Variants in ACCSL observed in about 807,000 individuals in gnomAD.
ACCSL encodes probable inactive 1-aminocyclopropane-1-carboxylate synthase-like protein 2.
ACCSL carries 55 observed loss-of-function variants against 61.7 expected under a neutral mutation model. The observed-to-expected ratio is 0.89, with a 90% CI of 0.72 to 1.12. The LOEUF is 1.12. Among genes scored for constraint, ACCSL ranks in the 50% most tolerant of loss-of-function variants. The probability of loss-of-function intolerance (pLI) is 0.00; values close to 1 mark genes in which losing one functional copy is unlikely to be tolerated. For missense variants in ACCSL, 632 were observed against 698.0 expected (o/e 0.91, Z 1.07); for synonymous variants, 258 against 264.3 (o/e 0.98, Z 0.23).
At chr11:43,923,694 A>G in the ACCSL span, among the ~76,000 whole-genome samples, 1 of 152,228 alleles carries the variant, frequency 6.6e-6, no homozygotes, top group Non-Finnish European at 1.5e-5. Flanking sequence ...CTCCATTTAT[A>G]AAAGCCTTCC....
chr11:43,943,302 C>A, the ACCSL span: 42 of 1,450,702 alleles, frequency 2.9e-5, no homozygotes, highest in Non-Finnish European at 3.6e-5. This position sits in a 1 kb window ranked among gnomAD's most constrained non-coding sequence, Gnocchi z 4.8. Flanking sequence ...GGGACGCGCG[C>A]GTCCGCGGTC....
At chr11:43,963,513 A>G in the ACCSL span, among the ~76,000 whole-genome samples, 11 of 152,340 alleles carry the variant, frequency 7.2e-5, no homozygotes, top group African/African-American at 2.6e-4. Context: ...AGATGATAAC[A>G]TGGCCCCAGA....
chr11:44,028,986 C>A, the ACCSL span, among the ~76,000 whole-genome samples: 1 of 152,214 alleles, frequency 6.6e-6, no homozygotes, highest in Non-Finnish European at 1.5e-5. Context: ...GACCTCCACC[C>A]AGAATCCAAC....
the ACCSL span, among the ~76,000 whole-genome samples, chr11:43,997,166 A>G: frequency 0.14 from 20,639 of 151,704 alleles, 1,908 homozygotes; most frequent in East Asian, 0.32. Flanking sequence ...AAAAATCCCA[A>G]TGTCCAGGGG....
At chr11:43,959,207 C>A in the ACCSL span, among the ~76,000 whole-genome samples, 1 of 152,264 alleles carries the variant, frequency 6.6e-6, no homozygotes, top group Admixed American at 6.5e-5. Context: ...GGCGAGCCGG[C>A]GATGCACACC....
the ACCSL span, chr11:43,943,290 G>C: frequency 6.8e-7 from 1 of 1,473,128 alleles, no homozygotes; most frequent in African/African-American, 1.5e-5. The surrounding 1 kb of genome is among the most constrained non-coding windows in gnomAD (Gnocchi z 4.8). Flanking sequence ...CCGCCCGCGG[G>C]GGGGACGCGC....
chr11:43,945,709 G>C, the ACCSL span: 1 of 151,620 alleles, frequency 6.6e-6, no homozygotes, highest in Non-Finnish European at 1.5e-5. Flanking sequence ...TTAGCCGGAC[G>C]TGGTGGTGCA....
chr11:44,000,737 G>GAAAGAAAGAAAGAA, the ACCSL span, among the ~76,000 whole-genome samples: 1 of 149,662 alleles, frequency 6.7e-6, no homozygotes, highest in Non-Finnish European at 1.5e-5. Context: ...AAGAAAGAAA[G>GAAAGAAAGAAAGAA]AAAGAAAGAA....
chr11:44,028,313 G>A, the ACCSL span, among the ~76,000 whole-genome samples: 1 of 152,086 alleles, frequency 6.6e-6, no homozygotes, highest in African/African-American at 2.4e-5. Flanking sequence ...GACATTGGGA[G>A]TTAGAGTTGG....
upstream of ACCSL, among the ~76,000 whole-genome samples, chr11:44,047,268 C>T (rs1180844998): frequency 6.6e-6 from 1 of 152,080 alleles, no homozygotes; most frequent in Non-Finnish European, 1.5e-5. Context: ...AGGTGGAAGG[C>T]ATTTGCAGGA....
At chr11:43,975,819 A>G in the ACCSL span, among the ~76,000 whole-genome samples, 1 of 152,198 alleles carries the variant, frequency 6.6e-6, no homozygotes, top group African/African-American at 2.4e-5. Context: ...AGAGGGTGGA[A>G]CTAGAAGGTG....
In ACCSL at chr11:44,053,454, G is replaced by A; in HGVS notation, c.997G>A (p.Gly333Ser). ...LVLINPQNPL[G>S]DIYSPDSLMK... ...GCTAATCAACCCTCAGAATCCTCTG[G>A]GTGACATCTACTCCCCAGACTCACT... The change falls in exon 8 of 14, where the codon GGT becomes AGT. Residue 333 changes from glycine to serine, a missense_variant. Coordinates refer to ENST00000378832, the MANE Select transcript of ACCSL (RefSeq NM_001031854.2). 6.2e-7 allele frequency: 1 copy of A among 1,614,030 alleles called. No individual in the cohort carries two copies. Among genetic ancestry groups the A allele is most frequent in the Non-Finnish European group, 8.5e-7 (1 of 1,180,020 alleles).
chr11:43,956,994 G>A, the ACCSL span, among the ~76,000 whole-genome samples: 1 of 152,158 alleles, frequency 6.6e-6, no homozygotes, highest in African/African-American at 2.4e-5. Context: ...CATAAGATAA[G>A]GTGAAGGTTT....
the ACCSL span, among the ~76,000 whole-genome samples, chr11:43,962,128 C>T: frequency 6.6e-6 from 1 of 152,188 alleles, no homozygotes. Flanking sequence ...CTGTCATTCT[C>T]TGAGTCAACA....
At chr11:43,980,350 T>C in the ACCSL span, among the ~76,000 whole-genome samples, 3 of 152,226 alleles carry the variant, frequency 2.0e-5, no homozygotes, top group Admixed American at 6.5e-5. Context: ...CACTACCACA[T>C]TGTTCTGTAG....
chr11:43,982,113 C>T, the ACCSL span, among the ~76,000 whole-genome samples: 1 of 152,060 alleles, frequency 6.6e-6, no homozygotes, highest in Non-Finnish European at 1.5e-5. Flanking sequence ...CTAACTGCAG[C>T]CTGGGAGCTG....
At chr11:43,988,806 C>CTTTTTTTTTTTTTT in the ACCSL span, among the ~76,000 whole-genome samples, 1 of 97,236 alleles carries the variant, frequency 1.0e-5, no homozygotes, top group African/African-American at 4.1e-5. Flanking sequence ...ATTCTCTCTT[C>CTTTTTTTTTTTTTT]TTTTTTTTTT....
In ACCSL at chr11:44,051,537, G is replaced by A. The variant is rs760612517; in HGVS notation, c.706-116G>A. On this transcript the variant is annotated intron_variant, in intron 4 of 13. Coordinates refer to ENST00000378832, the MANE Select transcript of ACCSL (RefSeq NM_001031854.2). Reference sequence around the variant, plus strand: ...GCCAGGGCAGCATGAAGGCCAATGTGTCCCAACTGAGGAGGCTCCCTGTGC... The same window carrying A: ...GCCAGGGCAGCATGAAGGCCAATGTATCCCAACTGAGGAGGCTCCCTGTGC... The A allele has an allele frequency of 7.8e-6, 12 of 1,532,624 alleles. No homozygotes were observed. The Admixed American group carries it at 8.4e-5, about 11-fold the overall frequency. 94.9% of individuals were successfully genotyped at this position (1,532,624 alleles called of 1,614,324 possible).
the ACCSL span, among the ~76,000 whole-genome samples, chr11:43,964,350 T>A: frequency 1.3e-5 from 2 of 150,454 alleles, no homozygotes; most frequent in African/African-American, 4.9e-5. Flanking sequence ...GGCAGGAGAA[T>A]CACTTGAACC....
Sources: gnomAD v4.1 joint callset for allele counts (sites outside exome capture counted in the v4.1 genomes callset) on GRCh38, gnomAD v4.1.1 for gene constraint, Gnocchi (gnomAD v3.1) non-coding constraint, MANE v1.5 for transcripts, NCBI Gene and HGNC (gene_info 2026-07-23, HGNC 2026-07-21) for gene names.